The following SGCZ variants were observed in gnomAD, a reference collection of about 807,000 sequenced individuals.
The protein encoded by SGCZ is sarcoglycan zeta.
In SGCZ, 40 loss-of-function variants were observed where a neutral mutation model predicts 41.3. The observed-to-expected ratio is 0.97, with a 90% CI of 0.75 to 1.26. SGCZ has a LOEUF of 1.26. Among genes scored for constraint, SGCZ ranks in the 50% most tolerant of loss-of-function variants. SGCZ has a pLI of 0.00. For synonymous variants in SGCZ, 206 were observed against 137.5 expected, an observed-to-expected ratio of 1.50 and a Z score of -3.49; for missense variants, 552 against 369.8, an observed-to-expected ratio of 1.49 and a Z score of -4.04.
chr8:14,369,381 T>G (rs908743738), intron 2 of SGCZ, among the ~76,000 whole-genome samples: 1 of 151,980 alleles, frequency 6.6e-6, no homozygotes, highest in African/African-American at 2.4e-5. Context: ...GCTTCTCTGA[T>G]ATATCCTCAT....
chr8:15,207,846 T>C (rs1449327361), intron 1 of SGCZ, among the ~76,000 whole-genome samples: 1 of 152,158 alleles, frequency 6.6e-6, no homozygotes, highest in African/African-American at 2.4e-5. Flanking sequence ...AAAGGAAGTT[T>C]GACATAGAAA....
chr8:15,045,143 T>C (rs1804256022), intron 1 of SGCZ, among the ~76,000 whole-genome samples: 1 of 151,984 alleles, frequency 6.6e-6, no homozygotes, highest in Non-Finnish European at 1.5e-5. Flanking sequence ...TTTGGCATTG[T>C]AAAATACCCA....
chr8:14,387,834 G>T lies in SGCZ; in HGVS notation c.235-63630C>A, dbSNP rs555246280. Among the ~76,000 whole-genome samples, 4 of 152,008 alleles carry T rather than the reference G, an allele frequency of 2.6e-5. No individual in the cohort carries two copies. The East Asian group carries it at 5.8e-4, about 22-fold the overall frequency. On this transcript the variant is annotated intron_variant, in intron 2 of 7. Transcript: ENST00000382080. ...TCTTCATCTGGTCTTTGCATTTTTAGCTATTTAACACAAAGATCATTCTAG... is the reference window on the plus strand; with the variant it reads ...TCTTCATCTGGTCTTTGCATTTTTATCTATTTAACACAAAGATCATTCTAG...
In SGCZ at chr8:14,837,934, C is replaced by G. The variant is rs373875674; in HGVS notation, c.40-283008G>C. 9.2e-5 allele frequency among the ~76,000 whole-genome samples: 14 copies of G among 152,158 alleles called. No homozygotes were observed. The East Asian group carries it at 2.5e-3, about 27-fold the overall frequency. On this transcript the variant is annotated intron_variant, in intron 1 of 7. Transcript: ENST00000382080. Reference sequence around the variant, plus strand: ...TCCTTGTGTTAGAAACATTCCAATTCCACTCTTTTAGTTATTTCGAATTAT... The same window carrying G: ...TCCTTGTGTTAGAAACATTCCAATTGCACTCTTTTAGTTATTTCGAATTAT...
chr8:15,189,565 G>C (rs944358958), intron 1 of SGCZ, among the ~76,000 whole-genome samples: 1 of 121,092 alleles, frequency 8.3e-6, no homozygotes, highest in Non-Finnish European at 2.0e-5. Context: ...GGACCTTGAA[G>C]CATTTTTTTT....
intron 1 of SGCZ, among the ~76,000 whole-genome samples, chr8:15,035,249 T>A (rs183994918): frequency 9.5e-4 from 144 of 152,254 alleles, no homozygotes; most frequent in African/African-American, 3.3e-3. Flanking sequence ...TTTAATGCAA[T>A]TAAAGCTAAT....
intron 1 of SGCZ, among the ~76,000 whole-genome samples, chr8:14,660,731 GA>G (rs1807721042): frequency 6.6e-6 from 1 of 152,140 alleles, no homozygotes; most frequent in Admixed American, 6.6e-5. Flanking sequence ...AGAGTAAGTA[GA>G]AAGGTCTTAC....
At chr8:14,292,159 C>T (rs572278525) in intron 3 of SGCZ, among the ~76,000 whole-genome samples, 28 of 152,042 alleles carry the variant, frequency 1.8e-4, no homozygotes, top group African/African-American at 5.3e-4. Flanking sequence ...TTATTAAGTA[C>T]GAACTAGGAG....
intron 1 of SGCZ, among the ~76,000 whole-genome samples, chr8:15,174,839 AAACAT>A (rs1208685944): frequency 1.1e-4 from 16 of 152,330 alleles, no homozygotes; most frequent in African/African-American, 3.8e-4. Context: ...CTATTACTAA[AAACAT>A]AACACATGCT....
At chr8:14,126,240 T>C (rs1226993111) in intron 5 of SGCZ, among the ~76,000 whole-genome samples, 2 of 152,094 alleles carry the variant, frequency 1.3e-5, no homozygotes, top group Non-Finnish European at 2.9e-5. Context: ...ATTTGACAAA[T>C]GTCTAACATC....
At chr8:14,791,799 A>G (rs914244684) in intron 1 of SGCZ, among the ~76,000 whole-genome samples, 1 of 152,330 alleles carries the variant, frequency 6.6e-6, no homozygotes, top group East Asian at 1.9e-4. Flanking sequence ...CTGAATCATC[A>G]GTAAATTAAA....
intron 2 of SGCZ, among the ~76,000 whole-genome samples, chr8:14,450,190 A>C (rs1007605981): frequency 5.9e-5 from 9 of 152,202 alleles, no homozygotes; most frequent in African/African-American, 2.2e-4. Flanking sequence ...GGCTACACAG[A>C]ACCCAAACCC....
At position 14,086,425 on chromosome 8, in the gene SGCZ, AC is replaced by A. The variant is rs1801524555; in HGVS notation, c.*4017del. ...TTGTATCAAATGCTATTTTTGTAAA[AC>A]GAGGCATTCTCTGATTGAGTCATTC... On this transcript the variant is annotated 3_prime_UTR_variant, in exon 8 of 8. Coordinates refer to ENST00000382080, the MANE Select transcript of SGCZ (RefSeq NM_139167.4). 6.6e-6 allele frequency among the ~76,000 whole-genome samples: 1 copy of A among 151,668 alleles called. No individual in the cohort carries two copies. Among genetic ancestry groups the A allele is most frequent in the South Asian group, 2.1e-4 (1 of 4,836 alleles).
intron 5 of SGCZ, among the ~76,000 whole-genome samples, chr8:14,137,090 T>G (rs1486708566): frequency 2.0e-5 from 3 of 152,102 alleles, no homozygotes; most frequent in African/African-American, 4.8e-5. Context: ...GTCCTGACTG[T>G]TAGAAGGAAA....
At chr8:14,917,823 T>G (rs1043038067) in intron 1 of SGCZ, among the ~76,000 whole-genome samples, 1 of 152,268 alleles carries the variant, frequency 6.6e-6, no homozygotes, top group East Asian at 1.9e-4. Flanking sequence ...CACATGTGCC[T>G]TTCTCACATC....
intron 1 of SGCZ, among the ~76,000 whole-genome samples, chr8:14,702,842 TA>T (rs1242242808): frequency 8.1e-6 from 1 of 123,544 alleles, no homozygotes; most frequent in Non-Finnish European, 1.8e-5. Context: ...GATAGATAGA[TA>T]GATAGATAGA....
chr8:15,116,424 TACTC>T (rs1156421571), intron 1 of SGCZ, among the ~76,000 whole-genome samples: 15 of 152,318 alleles, frequency 9.8e-5, no homozygotes, highest in African/African-American at 2.9e-4. Flanking sequence ...ATGTATTCCA[TACTC>T]AATATATCCC....
At chr8:14,522,798 C>T (rs186732225) in intron 2 of SGCZ, among the ~76,000 whole-genome samples, 95 of 151,736 alleles carry the variant, frequency 6.3e-4, no homozygotes, top group African/African-American at 2.2e-3. Context: ...TTTCTAGAAT[C>T]CTGAGATAGG....
At chr8:15,161,145 C>T (rs574209141) in intron 1 of SGCZ, among the ~76,000 whole-genome samples, 48 of 152,168 alleles carry the variant, frequency 3.2e-4, no homozygotes, top group African/African-American at 1.1e-3. Flanking sequence ...ATTCTTCACC[C>T]TCCTCCTGTG....
Sources: allele counts gnomAD v4.1 joint callset (sites outside exome capture counted in the v4.1 genomes callset), GRCh38; gene constraint gnomAD v4.1.1; transcripts MANE v1.5; gene names NCBI Gene and HGNC (gene_info 2026-07-23, HGNC 2026-07-21).